VPS37A: variants seen among roughly 807,000 people sequenced by gnomAD.
VPS37A encodes the protein vacuolar protein sorting-associated protein 37A.
VPS37A carries 30 observed loss-of-function variants against 49.8 expected under a neutral mutation model. The ratio of observed to expected loss-of-function variants is 0.60; its 90% CI spans 0.45 to 0.82. The LOEUF is 0.82. VPS37A is among the 40% of genes least tolerant of loss of function. VPS37A has a pLI of 0.00. For missense variants in VPS37A, 593 were observed against 464.4 expected (o/e 1.28, Z -2.55); for synonymous variants, 195 against 160.6 (o/e 1.21, Z -1.62).
At chr8:17,307,200 AC>A (rs1304846242), downstream of VPS37A, among the ~76,000 whole-genome samples, 1 of 152,212 alleles carries the variant, frequency 6.6e-6, no homozygotes, top group East Asian at 1.9e-4. Flanking sequence ...CAAGAAAAAA[AC>A]AACCCCATCA....
chr8:17,255,714 C>T (rs1445695306), intron 1 of VPS37A, among the ~76,000 whole-genome samples: 1 of 152,044 alleles, frequency 6.6e-6, no homozygotes, highest in Non-Finnish European at 1.5e-5. Context: ...TCCTGTTTAC[C>T]CTTCCTAGTG....
At chr8:17,314,822 C>A in the VPS37A span, among the ~76,000 whole-genome samples, 4 of 152,224 alleles carry the variant, frequency 2.6e-5, no homozygotes, top group Non-Finnish European at 5.9e-5. Context: ...GGTGAAGGGA[C>A]AGCCCTTTGA....
the VPS37A span, among the ~76,000 whole-genome samples, chr8:17,323,673 C>G: frequency 1.3e-5 from 2 of 152,110 alleles, no homozygotes; most frequent in Admixed American, 1.3e-4. Context: ...CCACACACCT[C>G]ATGCCAGCTG....
intron 1 of VPS37A, among the ~76,000 whole-genome samples, chr8:17,249,303 G>T (rs1317996871): frequency 6.6e-6 from 1 of 152,140 alleles, no homozygotes; most frequent in Admixed American, 6.6e-5. Context: ...TCTGGAATTG[G>T]CTTAAGAGGA....
the VPS37A span, among the ~76,000 whole-genome samples, chr8:17,328,923 A>T: frequency 1.3e-5 from 2 of 151,948 alleles, no homozygotes; most frequent in Admixed American, 1.3e-4. Context: ...TGGAAGTTAA[A>T]ATTAGATCAT....
chr8:17,317,753 A>C, the VPS37A span, among the ~76,000 whole-genome samples: 1 of 152,110 alleles, frequency 6.6e-6, no homozygotes, highest in African/African-American at 2.4e-5. Flanking sequence ...CTGCACTTCT[A>C]TTTAGCTTAC....
chr8:17,332,585 G>A, the VPS37A span, among the ~76,000 whole-genome samples: 11 of 152,186 alleles, frequency 7.2e-5, no homozygotes, highest in African/African-American at 2.7e-4. Context: ...TAAGTGAAAA[G>A]TGCATGGCAA....
chr8:17,302,298 G>A, downstream of VPS37A: 1 of 1,611,182 alleles, frequency 6.2e-7, no homozygotes, highest in Non-Finnish European at 8.5e-7. Flanking sequence ...GGATGGCAAA[G>A]CGTCGTGATA....
chr8:17,257,196 T>A (rs1167135956), intron 1 of VPS37A, among the ~76,000 whole-genome samples: 1 of 152,188 alleles, frequency 6.6e-6, no homozygotes, highest in Non-Finnish European at 1.5e-5. Flanking sequence ...CTTTCTCCGT[T>A]GTATGTTCTT....
downstream of VPS37A, chr8:17,301,987 G>C: frequency 2.4e-6 from 2 of 816,986 alleles, no homozygotes; most frequent in South Asian, 2.0e-5. Flanking sequence ...CCTAGGTTTG[G>C]GCTTCGGTTA....
At chr8:17,313,403 T>G in the VPS37A span, 1 of 1,594,672 alleles carries the variant, frequency 6.3e-7, no homozygotes, top group Non-Finnish European at 8.6e-7. Flanking sequence ...GTTCACACAC[T>G]GCAAGATAAA....
At chr8:17,318,766 C>T in the VPS37A span, among the ~76,000 whole-genome samples, 2 of 152,210 alleles carry the variant, frequency 1.3e-5, no homozygotes, top group Non-Finnish European at 1.5e-5. Flanking sequence ...CCTCACTCCC[C>T]TGCCTCTGAT....
intron 1 of VPS37A, among the ~76,000 whole-genome samples, chr8:17,263,652 C>G (rs1813169530): frequency 6.6e-6 from 1 of 152,058 alleles, no homozygotes. Context: ...TGAAAATTTT[C>G]TATAAAAATC....
chr8:17,251,894 C>T (rs192887427), intron 1 of VPS37A, among the ~76,000 whole-genome samples: 1 of 152,256 alleles, frequency 6.6e-6, no homozygotes, highest in South Asian at 2.1e-4. Context: ...AGTTCTCCCC[C>T]ACAGCTGCTA....
downstream of VPS37A, among the ~76,000 whole-genome samples, chr8:17,305,476 T>C (rs1817387358): frequency 6.6e-6 from 1 of 152,220 alleles, no homozygotes; most frequent in East Asian, 1.9e-4. Flanking sequence ...AAAACCACTT[T>C]TTTGACTCCA....
Position 17,247,924 on chromosome 8 carries a change from C to G in VPS37A, c.125+555C>G, listed in dbSNP as rs538295148. 20 of 615,832 alleles carry G rather than the reference C, an allele frequency of 3.2e-5. No homozygotes were observed. The Admixed American group carries it at 4.3e-4, about 13-fold the overall frequency. 38.1% of individuals were successfully genotyped at this position (615,832 alleles called of 1,614,324 possible). On this transcript the variant is annotated intron_variant, in intron 1 of 11. Coordinates refer to ENST00000324849, the MANE Select transcript of VPS37A (RefSeq NM_152415.3). ...CCCTGTTGGAGCAGTCTCTCCCCAT[C>G]TCACAGCGACCAGTGCATGTACATT...
At chr8:17,266,875 C>T (rs970539405) in intron 2 of VPS37A, among the ~76,000 whole-genome samples, 11 of 152,108 alleles carry the variant, frequency 7.2e-5, no homozygotes, top group Non-Finnish European at 4.4e-5. Context: ...CGGGTTCAAG[C>T]GATTCTCCTG....
chr8:17,302,245 C>A (rs763464269), downstream of VPS37A: 38 of 1,613,902 alleles, frequency 2.4e-5, no homozygotes, highest in Admixed American at 6.7e-5. Context: ...GGGCTGCATC[C>A]CCTTTTCAAA....
downstream of VPS37A, among the ~76,000 whole-genome samples, chr8:17,304,852 A>G (rs1817353102): frequency 6.6e-6 from 1 of 151,926 alleles, no homozygotes; most frequent in African/African-American, 2.4e-5. Flanking sequence ...TAAATGTTCC[A>G]CGTTTTCTCT....
Sources: gnomAD v4.1 joint callset for allele counts (sites outside exome capture counted in the v4.1 genomes callset) on GRCh38, gnomAD v4.1.1 for gene constraint, MANE v1.5 for transcripts, NCBI Gene and HGNC (gene_info 2026-07-23, HGNC 2026-07-21) for gene names.